Variants in CNTNAP5 observed in about 807,000 individuals in gnomAD.
CNTNAP5 encodes the protein contactin associated protein family member 5.
In CNTNAP5, 72 loss-of-function variants were observed where a neutral mutation model predicts 150.2. That is an observed-to-expected ratio of 0.48 (90% CI 0.40 to 0.58). The LOEUF (loss-of-function observed/expected upper bound fraction) is 0.58. CNTNAP5 is among the 20% of genes least tolerant of loss of function. The pLI is 0.00. For synonymous variants in CNTNAP5, 672 were observed against 619.8 expected (o/e 1.08, Z -1.25); for missense variants, 1,636 against 1,626.2 (o/e 1.01, Z -0.10).
chr2:124,485,631 A>AAAAAAAAAAAAAAAAAAAG (rs1457112306), intron 7 of CNTNAP5, among the ~76,000 whole-genome samples: 5 of 134,196 alleles, frequency 3.7e-5, no homozygotes, highest in East Asian at 2.3e-4. Flanking sequence ...AAAAAAAAAA[A>AAAAAAAAAAAAAAAAAAAG]AAAGAAGAAG....
rs758855163 is a variant in CNTNAP5, at chr2:124,527,382, C to T, written c.1575C>T (p.Asp525=). 1.9e-6 allele frequency: 3 copies of T among 1,613,512 alleles called. No individual in the cohort carries two copies. The highest frequency in any genetic ancestry group is 2.5e-6 in the Non-Finnish European group (3 of 1,179,624). Residue 525 remains aspartate (D), a synonymous_variant, in exon 10 of 24, where the codon GAC becomes GAT. Coordinates refer to ENST00000682447, the MANE Select transcript of CNTNAP5 (RefSeq NM_001367498.1). ...TCTTTATTGATAACCAGCCCAAGGA[C>T]CTCATTTCAGTTCAGCAAGGTTCCC... ...RLIFIDNQPK[D]LISVQQGSLG...
At chr2:124,185,688 A>G (rs62163931) in intron 1 of CNTNAP5, among the ~76,000 whole-genome samples, 2 of 151,924 alleles carry the variant, frequency 1.3e-5, no homozygotes, top group Admixed American at 6.6e-5. Context: ...CTGCACCATC[A>G]GGATAGGGTC....
chr2:124,406,657 G>A (rs1691579330), intron 3 of CNTNAP5, among the ~76,000 whole-genome samples: 1 of 152,130 alleles, frequency 6.6e-6, no homozygotes, highest in African/African-American at 2.4e-5. Flanking sequence ...GGGTATTTGG[G>A]ATATCCATCA....
At chr2:124,537,501 C>A (rs184835926) in intron 10 of CNTNAP5, among the ~76,000 whole-genome samples, 1 of 152,184 alleles carries the variant, frequency 6.6e-6, no homozygotes, top group African/African-American at 2.4e-5. Flanking sequence ...AGACACTGGG[C>A]TTGATCTAAT....
intron 13 of CNTNAP5, among the ~76,000 whole-genome samples, chr2:124,679,967 C>T (rs1010508087): frequency 6.6e-5 from 10 of 151,868 alleles, no homozygotes; most frequent in East Asian, 3.9e-4. Flanking sequence ...TCGAGACCCC[C>T]GCCCCCACAA....
intron 3 of CNTNAP5, among the ~76,000 whole-genome samples, chr2:124,388,683 CT>C (rs1376282145): frequency 6.6e-6 from 1 of 151,870 alleles, no homozygotes; most frequent in East Asian, 1.9e-4. Flanking sequence ...AGCACGGGGC[CT>C]TTTTTTTCTT....
At chr2:124,618,329 C>A (rs1677533754) in intron 12 of CNTNAP5, among the ~76,000 whole-genome samples, 1 of 152,112 alleles carries the variant, frequency 6.6e-6, no homozygotes, top group Non-Finnish European at 1.5e-5. Flanking sequence ...ATGCATGGAC[C>A]TTAGCACTGA....
Position 124,674,497 on chromosome 2 carries a change from C to T in CNTNAP5, c.2077+26539C>T, listed in dbSNP as rs1461844835. Among the ~76,000 whole-genome samples the T allele has an allele frequency of 4.4e-5, 4 of 91,938 alleles. No individual in the cohort carries two copies. The East Asian group carries it at 9.3e-4, about 21-fold the overall frequency. 60.3% of individuals were successfully genotyped at this position (91,938 alleles called of 152,430 possible). A position where few individuals can be genotyped will look rare whatever the true frequency, so the allele number is the denominator to read the frequency against. Reference sequence around the variant, plus strand: ...CCCTCCCTCTCTCCCTCTCTACTTCCTTTCTTTCTTTCTCTTTCTTTCTTT... The same window carrying T: ...CCCTCCCTCTCTCCCTCTCTACTTCTTTTCTTTCTTTCTCTTTCTTTCTTT... On this transcript the variant is annotated intron_variant, in intron 13 of 23. Coordinates refer to ENST00000682447, the MANE Select transcript of CNTNAP5 (RefSeq NM_001367498.1).
intron 3 of CNTNAP5, among the ~76,000 whole-genome samples, chr2:124,324,125 T>A (rs78301122): frequency 2.0e-5 from 3 of 152,340 alleles, no homozygotes; most frequent in African/African-American, 7.2e-5. Flanking sequence ...ACAGTGAGGA[T>A]GTAGCGTGAA....
At chr2:124,123,801 G>T (rs1558764747) in intron 1 of CNTNAP5, among the ~76,000 whole-genome samples, 2 of 152,174 alleles carry the variant, frequency 1.3e-5, no homozygotes, top group Non-Finnish European at 2.9e-5. Flanking sequence ...AGTGTCTGGA[G>T]TGGACCTCCA....
intron 13 of CNTNAP5, among the ~76,000 whole-genome samples, chr2:124,662,672 A>G (rs1226186494): frequency 6.6e-6 from 1 of 152,202 alleles, no homozygotes; most frequent in East Asian, 1.9e-4. Flanking sequence ...GTCAAGAGAG[A>G]ATGAAGGTAA....
intron 4 of CNTNAP5, among the ~76,000 whole-genome samples, chr2:124,419,477 G>C (rs1425670526): frequency 6.6e-6 from 1 of 152,080 alleles, no homozygotes; most frequent in African/African-American, 2.4e-5. Flanking sequence ...AAATAATAAC[G>C]ATAACATGTA....
At chr2:124,656,236 G>A (rs796719467) in intron 13 of CNTNAP5, among the ~76,000 whole-genome samples, 1 of 152,274 alleles carries the variant, frequency 6.6e-6, no homozygotes, top group African/African-American at 2.4e-5. Flanking sequence ...ACAGGGCAGA[G>A]TCGAGAGTCA....
chr2:124,334,365 A>G (rs923896676), intron 3 of CNTNAP5, among the ~76,000 whole-genome samples: 5 of 152,178 alleles, frequency 3.3e-5, no homozygotes, highest in African/African-American at 9.6e-5. Context: ...AACAAATCAT[A>G]GAAGAGTCAG....
Position 124,389,340 on chromosome 2 carries a change from T to A in CNTNAP5, c.382-28103T>A, listed in dbSNP as rs888634516. ...CTCGAAATAAAATATTCAGTTTTTT[T>A]AAATGATTGTCAGTAATAAGAATGT... On this transcript the variant is annotated intron_variant, in intron 3 of 23. Transcript: ENST00000682447. Among the ~76,000 whole-genome samples the A allele has an allele frequency of 1.1e-4, 16 of 152,364 alleles. No homozygotes were observed. In the East Asian group the frequency reaches 2.7e-3, roughly 26 times the overall value.
intron 3 of CNTNAP5, among the ~76,000 whole-genome samples, chr2:124,311,429 AG>A (rs1236812905): frequency 1.3e-5 from 2 of 152,160 alleles, no homozygotes; most frequent in Non-Finnish European, 2.9e-5. Flanking sequence ...AGAAAAGAAT[AG>A]GGGGAAAGAG....
chr2:124,765,960 A>C (rs1480650099), intron 16 of CNTNAP5, among the ~76,000 whole-genome samples: 1 of 150,486 alleles, frequency 6.6e-6, no homozygotes, highest in Non-Finnish European at 1.5e-5. Flanking sequence ...TTGTCTCAGA[A>C]AAAAAAAATA....
intron 21 of CNTNAP5, among the ~76,000 whole-genome samples, chr2:124,870,079 A>C (rs1232443095): frequency 1.3e-5 from 2 of 152,210 alleles, no homozygotes; most frequent in East Asian, 3.9e-4. Context: ...ATGAGTGCAT[A>C]CATTAAGGAT....
intron 1 of CNTNAP5, among the ~76,000 whole-genome samples, chr2:124,204,459 C>A (rs1224952630): frequency 6.6e-6 from 1 of 152,222 alleles, no homozygotes; most frequent in African/African-American, 2.4e-5. Flanking sequence ...TCCACAGTTG[C>A]TTTCACATCA....
Sources: allele counts gnomAD v4.1 joint callset (sites outside exome capture counted in the v4.1 genomes callset), GRCh38; gene constraint gnomAD v4.1.1; transcripts MANE v1.5; gene names NCBI Gene and HGNC (gene_info 2026-07-23, HGNC 2026-07-21).